Variants in SNX9 observed in about 807,000 individuals in gnomAD.
SNX9 encodes sorting nexin 9.
SNX9 carries 44 observed loss-of-function variants against 89.4 expected under a neutral mutation model. That is an observed-to-expected ratio of 0.49 (90% CI 0.39 to 0.63). The LOEUF (loss-of-function observed/expected upper bound fraction) is 0.63, where lower values mean the gene tolerates loss of function less well. Among genes scored for constraint, SNX9 ranks in the 30% least tolerant of loss-of-function variants. The probability of loss-of-function intolerance (pLI) is 0.00; values close to 1 mark genes in which losing one functional copy is unlikely to be tolerated. For synonymous variants in SNX9, 236 were observed against 247.8 expected, an observed-to-expected ratio of 0.95 and a Z score of 0.45; for missense variants, 578 against 736.1, an observed-to-expected ratio of 0.79 and a Z score of 2.49.
chr6:157,914,726 C>G (rs1181859461), intron 9 of SNX9, among the ~76,000 whole-genome samples: 1 of 152,140 alleles, frequency 6.6e-6, no homozygotes, highest in Non-Finnish European at 1.5e-5. Flanking sequence ...GGTCCACCCA[C>G]TTCGGCCTCC....
chr6:157,880,034 G>T (rs1782592063), intron 4 of SNX9, among the ~76,000 whole-genome samples: 1 of 152,116 alleles, frequency 6.6e-6, no homozygotes, highest in African/African-American at 2.4e-5. Flanking sequence ...CTTTTGTTTT[G>T]CTGAGAGCCC....
chr6:157,873,385 A>G (rs1049097980), intron 3 of SNX9, among the ~76,000 whole-genome samples: 3 of 150,564 alleles, frequency 2.0e-5, no homozygotes, highest in Admixed American at 6.6e-5. Context: ...AAGAATGACT[A>G]CAGATATTTA....
In SNX9 at chr6:157,823,737, G is replaced by A. The variant is rs1276563992; in HGVS notation, c.12+291G>A. Among the ~76,000 whole-genome samples, 1 of 151,966 alleles carries A rather than the reference G, an allele frequency of 6.6e-6. No individual in the cohort carries two copies. The highest frequency in any genetic ancestry group is 1.5e-5 in the Non-Finnish European group (1 of 67,946). ...TTGGGAAGTTTGCACCTGAGCGTGG[G>A]CTGCGGCGGGCTCGCCGGGAGGGGC... On this transcript the variant is annotated intron_variant, in intron 1 of 17. Coordinates refer to ENST00000392185, the MANE Select transcript of SNX9 (RefSeq NM_016224.5). This position sits in a 1 kb window ranked among gnomAD's most constrained non-coding sequence, Gnocchi z 4.6.
At chr6:157,826,830 T>TTA (rs1554290547) in intron 1 of SNX9, among the ~76,000 whole-genome samples, 6 of 113,704 alleles carry the variant, frequency 5.3e-5, no homozygotes, top group South Asian at 4.5e-4. Context: ...ATATTATATT[T>TTA]TATATATATA....
chr6:157,929,405 G>A (rs1274289267), intron 12 of SNX9, among the ~76,000 whole-genome samples: 2 of 152,196 alleles, frequency 1.3e-5, no homozygotes, highest in African/African-American at 4.8e-5. Context: ...GACTTGTCAG[G>A]CCCTGAAATG....
In SNX9 at chr6:157,875,134, C is replaced by G. The variant is rs770951001; in HGVS notation, c.258C>G (p.Ser86Arg). ...DQAFLDSLSASTAQASSSAAS... is the reference protein window; with the variant it reads ...DQAFLDSLSARTAQASSSAAS... ...CCTTCCTTGATTCTCTCTCAGCCAG[C>G]ACAGCTCAGGCCAGTTCGTCGGCTG... Residue 86 changes from serine to arginine, a missense_variant, in exon 4 of 18, where the codon AGC (serine) becomes AGG (arginine). Physicochemically the swap from Ser to Arg is moderately radical, Grantham distance 110. Coordinates refer to ENST00000392185, the MANE Select transcript of SNX9 (RefSeq NM_016224.5). 3.7e-6 allele frequency: 6 copies of G among 1,613,864 alleles called. No individual in the cohort carries two copies. The highest frequency in any genetic ancestry group is 5.1e-6 in the Non-Finnish European group (6 of 1,179,956).
intron 4 of SNX9, among the ~76,000 whole-genome samples, chr6:157,879,022 G>A (rs896114272): frequency 1.3e-5 from 2 of 152,184 alleles, no homozygotes; most frequent in African/African-American, 2.4e-5. Flanking sequence ...TTAAAAGCTA[G>A]TGTCATACAG....
At chr6:157,938,586 C>G (rs763651618) in intron 15 of SNX9, 47 bp from the exon 16 acceptor site, 1 of 1,246,460 alleles carries the variant, frequency 8.0e-7, no homozygotes, top group Admixed American at 1.7e-5. Context: ...AAACTAATGA[C>G]TAATCATTTC....
intron 6 of SNX9, among the ~76,000 whole-genome samples, chr6:157,905,749 T>TGTG (rs1783199038): frequency 6.6e-6 from 1 of 152,218 alleles, no homozygotes; most frequent in Admixed American, 6.5e-5. Context: ...AATGCCAGCA[T>TGTG]GTGGCTATTG....
At chr6:157,850,298 A>G (rs1257772450) in intron 1 of SNX9, among the ~76,000 whole-genome samples, 1 of 152,180 alleles carries the variant, frequency 6.6e-6, no homozygotes, top group Non-Finnish European at 1.5e-5. Context: ...GTGAAGAGTG[A>G]GTAGCAGATG....
intron 4 of SNX9, among the ~76,000 whole-genome samples, chr6:157,892,217 A>G (rs1230582859): frequency 6.6e-6 from 1 of 152,126 alleles, no homozygotes; most frequent in Non-Finnish European, 1.5e-5. Flanking sequence ...TAGTTAGGGA[A>G]CTACCAAGGG....
At chr6:157,899,172 A>T (rs911133519) in intron 5 of SNX9, among the ~76,000 whole-genome samples, 2 of 151,002 alleles carry the variant, frequency 1.3e-5, no homozygotes, top group Non-Finnish European at 2.9e-5. Flanking sequence ...TTATTGTCAG[A>T]ATAGTAGCTA....
chr6:157,872,290 C>T (rs1329427344), intron 2 of SNX9, among the ~76,000 whole-genome samples: 2 of 152,096 alleles, frequency 1.3e-5, no homozygotes, highest in African/African-American at 2.4e-5. Context: ...ATTGAAATGG[C>T]AATACTGGGA....
chr6:157,848,375 C>T (rs1781843265), intron 1 of SNX9, among the ~76,000 whole-genome samples: 1 of 151,956 alleles, frequency 6.6e-6, no homozygotes. Context: ...AAAATTCTTC[C>T]CCCAAACCGT....
At chr6:157,896,745 C>A in intron 4 of SNX9, 82 bp from the exon 5 acceptor site, 1 of 1,457,422 alleles carries the variant, frequency 6.9e-7, no homozygotes. Context: ...CTGTTGTATT[C>A]AATTGTGTCA....
intron 5 of SNX9, among the ~76,000 whole-genome samples, chr6:157,900,562 C>T (rs1253571311): frequency 1.3e-5 from 2 of 152,046 alleles, no homozygotes; most frequent in Admixed American, 6.6e-5. Flanking sequence ...CAACAATGCA[C>T]TGGATATACC....
rs1299554062 is a variant in SNX9, at chr6:157,942,925, GA to G, written c.*95del. 2.0e-5 allele frequency: 27 copies of G among 1,366,160 alleles called. No homozygotes were observed. Among genetic ancestry groups the G allele is most frequent in the Admixed American group, 7.6e-5 (3 of 39,424 alleles). 84.6% of individuals were successfully genotyped at this position (1,366,160 alleles called of 1,614,324 possible). ...AAAACTTTTTTTCCCCTATTATTCA[GA>G]AAAAAAAGGAAACAAAACCAAAAAG... On this transcript the variant is annotated 3_prime_UTR_variant, in exon 18 of 18. Coordinates refer to ENST00000392185, the MANE Select transcript of SNX9 (RefSeq NM_016224.5).
At chr6:157,844,904 G>GT (rs1781776156) in intron 1 of SNX9, among the ~76,000 whole-genome samples, 1 of 151,666 alleles carries the variant, frequency 6.6e-6, no homozygotes. Context: ...CGTCGTCCTT[G>GT]TTTTAAACAT....
chr6:157,901,795 T>A (rs115426227), intron 5 of SNX9, 103 bp from the exon 6 acceptor site: 10 of 1,388,576 alleles, frequency 7.2e-6, no homozygotes, highest in Non-Finnish European at 8.7e-6. Context: ...AAAAAAAAAT[T>A]GATTTGCCCA....
Sources: gnomAD v4.1 joint callset for allele counts (sites outside exome capture counted in the v4.1 genomes callset) on GRCh38, gnomAD v4.1.1 for gene constraint, Gnocchi (gnomAD v3.1) non-coding constraint, MANE v1.5 for transcripts, NCBI Gene and HGNC (gene_info 2026-07-23, HGNC 2026-07-21) for gene names.